KDM4C: variants seen among roughly 807,000 people sequenced by gnomAD.
KDM4C encodes the protein lysine demethylase 4C, also known as lysine-specific demethylase 4C.
Under a neutral mutation model 129.3 loss-of-function variants are expected in KDM4C, and 81 were observed. That is an observed-to-expected ratio of 0.63 (90% CI 0.52 to 0.75). KDM4C has a LOEUF of 0.75. Ranked by LOEUF, KDM4C falls within the 30% of genes least tolerant of loss-of-function variation. The pLI, the probability that KDM4C is intolerant of heterozygous loss-of-function variation, is 0.00. For missense variants in KDM4C, 1,457 were observed against 1,304.0 expected (o/e 1.12, Z -1.81); for synonymous variants, 573 against 456.1 (o/e 1.26, Z -3.26).
chr9:6,990,749 T>C (rs942026562), intron 12 of KDM4C, among the ~76,000 whole-genome samples: 3 of 152,156 alleles, frequency 2.0e-5, no homozygotes, highest in African/African-American at 2.4e-5. Context: ...GTCTTCCAGT[T>C]TTATGTCATG....
intron 17 of KDM4C, among the ~76,000 whole-genome samples, chr9:7,061,290 A>G (rs1380529458): frequency 1.3e-5 from 2 of 152,220 alleles, no homozygotes; most frequent in Non-Finnish European, 2.9e-5. Flanking sequence ...TCCTCAAGAT[A>G]TTCAGATACA....
At chr9:6,730,489 C>T (rs1233890788) in intron 1 of KDM4C, among the ~76,000 whole-genome samples, 2 of 151,864 alleles carry the variant, frequency 1.3e-5, no homozygotes, top group African/African-American at 2.4e-5. Flanking sequence ...GTGGCGGGCA[C>T]CCCTAGTTCC....
intron 4 of KDM4C, among the ~76,000 whole-genome samples, chr9:6,822,027 C>G (rs1158591713): frequency 6.6e-6 from 1 of 152,158 alleles, no homozygotes; most frequent in Non-Finnish European, 1.5e-5. Context: ...CCTATGGCAA[C>G]AGTAACACAA....
At chr9:6,726,381 G>T (rs555046849) in intron 1 of KDM4C, 1 of 152,374 alleles carries the variant, frequency 6.6e-6, no homozygotes, top group African/African-American at 2.4e-5. Flanking sequence ...CCCTGACACT[G>T]CTCGCTCAGT....
At chr9:6,761,107 T>A (rs1175353632) in intron 1 of KDM4C, among the ~76,000 whole-genome samples, 1 of 151,520 alleles carries the variant, frequency 6.6e-6, no homozygotes, top group African/African-American at 2.4e-5. Context: ...TCTCCCAGGT[T>A]CAGGCGATTC....
At chr9:7,014,915 A>AACACACACACACAC (rs55864882) in intron 14 of KDM4C, among the ~76,000 whole-genome samples, 115 of 146,278 alleles carry the variant, frequency 7.9e-4, no homozygotes, top group African/African-American at 2.3e-3. Flanking sequence ...GGCAATTTGT[A>AACACACACACACAC]ACACACACAC....
intron 19 of KDM4C, among the ~76,000 whole-genome samples, chr9:7,139,976 G>A (rs1229939883): frequency 1.3e-5 from 2 of 152,192 alleles, no homozygotes; most frequent in African/African-American, 2.4e-5. Flanking sequence ...AGAGGGCCAA[G>A]CAGGTGACTT....
At chr9:6,861,085 T>C (rs942042829) in intron 5 of KDM4C, among the ~76,000 whole-genome samples, 3 of 152,242 alleles carry the variant, frequency 2.0e-5, no homozygotes, top group Non-Finnish European at 2.9e-5. Context: ...ATCCCTGCAC[T>C]GGACTTGAAA....
intron 1 of KDM4C, among the ~76,000 whole-genome samples, chr9:6,722,840 G>A (rs866365479): frequency 3.4e-4 from 52 of 152,130 alleles, no homozygotes; most frequent in African/African-American, 1.2e-3. Context: ...AAAATTAGCT[G>A]GGTGTAGTGG....
intron 8 of KDM4C, among the ~76,000 whole-genome samples, chr9:6,907,288 A>G (rs1466032500): frequency 6.6e-6 from 1 of 152,248 alleles, no homozygotes; most frequent in African/African-American, 2.4e-5. Flanking sequence ...AACATGGTTA[A>G]TGCTATGGCC....
chr9:7,134,723 A>G (rs1484649480), intron 19 of KDM4C, among the ~76,000 whole-genome samples: 3 of 152,240 alleles, frequency 2.0e-5, no homozygotes, highest in African/African-American at 7.2e-5. Context: ...AAGGGGAAAC[A>G]ATATTACCAT....
chr9:6,920,756 G>A (rs1191954518), intron 8 of KDM4C, among the ~76,000 whole-genome samples: 1 of 152,124 alleles, frequency 6.6e-6, no homozygotes, highest in East Asian at 1.9e-4. Context: ...GTCTTGCACA[G>A]AGGGAAAGAA....
upstream of KDM4C, among the ~76,000 whole-genome samples, chr9:6,756,057 T>C (rs1818251589): frequency 1.3e-5 from 2 of 152,228 alleles, no homozygotes; most frequent in Non-Finnish European, 2.9e-5. Context: ...CTGCAAATTC[T>C]GAAGAAAATG....
intron 17 of KDM4C, among the ~76,000 whole-genome samples, chr9:7,070,766 A>G (rs1177902300): frequency 4.6e-5 from 7 of 152,198 alleles, no homozygotes; most frequent in Non-Finnish European, 8.8e-5. Context: ...TAATGGTGAT[A>G]CACTGAATTC....
In KDM4C at chr9:6,981,034, A is replaced by G. The variant is rs770060060; in HGVS notation, c.1031A>G (p.Asp344Gly). ...CAAGGAAAGGATATATACACCATTG[A>G]TCACACGAAGCCTACTCCAGCATCC... ...WKQGKDIYTI[D>G]HTKPTPASTP... The change falls in exon 9 of 22, where the codon GAT becomes GGT. Residue 344 changes from aspartate to glycine, a missense_variant. By Grantham distance (94) the Asp-to-Gly change is moderately conservative (BLOSUM62 -1). Transcript: ENST00000381309. 1 of 1,613,942 alleles carries G rather than the reference A, an allele frequency of 6.2e-7. No homozygotes were observed. The highest frequency in any genetic ancestry group is 8.5e-7 in the Non-Finnish European group (1 of 1,179,866).
At position 6,749,181 on chromosome 9, in the gene KDM4C, G is replaced by A. The variant is rs1243367842; in HGVS notation, c.49+28184G>A. On this transcript the variant is annotated intron_variant, in intron 1 of 17. Coordinates refer to the KDM4C transcript ENST00000536108. Reference sequence around the variant, plus strand: ...ATTACAGGCATGCACCACCACGCCCGGCTAATTTTGTATTTTTAGTAGAAA... The same window carrying A: ...ATTACAGGCATGCACCACCACGCCCAGCTAATTTTGTATTTTTAGTAGAAA... Among the ~76,000 whole-genome samples the A allele has an allele frequency of 2.6e-5, 4 of 152,096 alleles. No individual in the cohort carries two copies. The South Asian group carries it at 8.3e-4, about 31-fold the overall frequency.
chr9:6,987,724 A>T (rs1342673453), intron 11 of KDM4C, among the ~76,000 whole-genome samples: 1 of 152,220 alleles, frequency 6.6e-6, no homozygotes, highest in African/African-American at 2.4e-5. Flanking sequence ...AATAGTGTTT[A>T]TCTTTTTATG....
intron 10 of KDM4C, among the ~76,000 whole-genome samples, chr9:6,986,141 G>C (rs1030423440): frequency 2.6e-5 from 4 of 152,214 alleles, no homozygotes; most frequent in Middle Eastern, 3.2e-3. Flanking sequence ...CATAATACTT[G>C]AGTAGAAGAA....
intron 18 of KDM4C, among the ~76,000 whole-genome samples, chr9:7,110,135 A>G (rs1347492190): frequency 6.6e-6 from 1 of 152,170 alleles, no homozygotes; most frequent in Non-Finnish European, 1.5e-5. Flanking sequence ...CTTTGAAACT[A>G]TCTTTGTTTT....
Sources: allele counts gnomAD v4.1 joint callset (sites outside exome capture counted in the v4.1 genomes callset), GRCh38; gene constraint gnomAD v4.1.1; transcripts MANE v1.5; gene names NCBI Gene and HGNC (gene_info 2026-07-23, HGNC 2026-07-21).